RYR2: variants seen among roughly 807,000 people sequenced by gnomAD.
RYR2 encodes the protein ryanodine receptor 2.
In RYR2, 227 loss-of-function variants were observed where a neutral mutation model predicts 601.1. That is an observed-to-expected ratio of 0.38 (90% CI 0.34 to 0.42). RYR2 has a LOEUF of 0.42. Among genes scored for constraint, RYR2 ranks in the 10% least tolerant of loss-of-function variants. The pLI, the probability that RYR2 is intolerant of heterozygous loss-of-function variation, is 1.00. For missense variants in RYR2, 4,646 were observed against 6,156.5 expected, an observed-to-expected ratio of 0.75 and a Z score of 8.21; for synonymous variants, 2,223 against 2,175.1, an observed-to-expected ratio of 1.02 and a Z score of -0.61.
chr1:237,089,442 T>C (rs1034991936), intron 1 of RYR2, among the ~76,000 whole-genome samples: 4 of 152,140 alleles, frequency 2.6e-5, no homozygotes, highest in Non-Finnish European at 1.5e-5. Flanking sequence ...CTAGTACTAG[T>C]TCAGATATGT....
rs1657802211 is a variant in RYR2, at chr1:237,787,685, CA to C, written c.13329-302del. On this transcript the variant is annotated intron_variant, in intron 91 of 104. Coordinates refer to ENST00000366574, the MANE Select transcript of RYR2 (RefSeq NM_001035.3). ...CATAGCAAAATCATTCATCATTCTT[CA>C]TTTTTTTAATGTTTCATTGCAGAAT... Among the ~76,000 whole-genome samples the C allele has an allele frequency of 2.0e-5, 3 of 150,608 alleles. No individual in the cohort carries two copies. In the South Asian group the frequency reaches 6.3e-4, roughly 32 times the overall value.
intron 13 of RYR2, among the ~76,000 whole-genome samples, chr1:237,442,570 ATATCT>A (rs1314737260): frequency 6.6e-6 from 1 of 152,168 alleles, no homozygotes; most frequent in African/African-American, 2.4e-5. Context: ...TATCTCAATA[ATATCT>A]TTTCTAGTTG....
chr1:237,133,607 T>C (rs1672402819), intron 1 of RYR2, among the ~76,000 whole-genome samples: 1 of 152,140 alleles, frequency 6.6e-6, no homozygotes, highest in Admixed American at 6.5e-5. Context: ...CAATTAGACA[T>C]TCCCCCAGTT....
intron 48 of RYR2, among the ~76,000 whole-genome samples, chr1:237,644,460 C>T (rs1334924546): frequency 1.3e-5 from 2 of 151,762 alleles, no homozygotes; most frequent in African/African-American, 4.8e-5. Context: ...TCTCGACCTC[C>T]TGACCTCACG....
intron 9 of RYR2, 131 bp downstream of exon 9, chr1:237,387,511 C>G (rs967189243): frequency 1.1e-5 from 8 of 743,538 alleles, no homozygotes; most frequent in African/African-American, 7.0e-5. Context: ...AATGCAGATA[C>G]CTGACATTTG....
intron 1 of RYR2, among the ~76,000 whole-genome samples, chr1:237,248,873 A>G (rs1687172055): frequency 6.6e-6 from 1 of 150,958 alleles, no homozygotes; most frequent in Non-Finnish European, 1.5e-5. Context: ...GCAATTCTCC[A>G]ACCTCAGCCT....
intron 1 of RYR2, among the ~76,000 whole-genome samples, chr1:237,242,638 C>T (rs1230721924): frequency 1.3e-5 from 2 of 152,072 alleles, no homozygotes; most frequent in Non-Finnish European, 2.9e-5. Context: ...CGTTACTATG[C>T]ACTAAGGGCT....
chr1:237,591,923 A>G (rs1675248625), intron 32 of RYR2, 70 bp downstream of exon 32: 1 of 979,472 alleles, frequency 1.0e-6, no homozygotes. Context: ...CCAGTAATAC[A>G]TACCGATTCA....
intron 60 of RYR2, among the ~76,000 whole-genome samples, chr1:237,677,469 G>A (rs1268671396): frequency 6.6e-6 from 1 of 152,064 alleles, no homozygotes; most frequent in Non-Finnish European, 1.5e-5. Flanking sequence ...TTTTGACATA[G>A]GTCAAAATTT....
chr1:237,202,088 T>A (rs558171021), intron 1 of RYR2, among the ~76,000 whole-genome samples: 8 of 152,184 alleles, frequency 5.3e-5, no homozygotes, highest in Admixed American at 2.6e-4. Context: ...ATTCAAAAGA[T>A]GCTATTTGTT....
intron 1 of RYR2, among the ~76,000 whole-genome samples, chr1:237,186,190 TTC>T (rs1222732980): frequency 6.6e-6 from 1 of 152,176 alleles, no homozygotes; most frequent in African/African-American, 2.4e-5. Context: ...AAAAATGTTT[TTC>T]TCTCTCTCTT....
intron 1 of RYR2, among the ~76,000 whole-genome samples, chr1:237,185,300 T>G (rs922248912): frequency 6.6e-6 from 1 of 152,152 alleles, no homozygotes; most frequent in Non-Finnish European, 1.5e-5. Flanking sequence ...CCCGGCTACA[T>G]AGAGGCCCTT....
chr1:237,296,252 A>G (rs1692770106), intron 2 of RYR2, among the ~76,000 whole-genome samples: 1 of 152,192 alleles, frequency 6.6e-6, no homozygotes, highest in Non-Finnish European at 1.5e-5. Context: ...GCTGATTTTC[A>G]GGGACTTTGA....
intron 1 of RYR2, among the ~76,000 whole-genome samples, chr1:237,150,069 T>A (rs1674543272): frequency 6.6e-6 from 1 of 152,260 alleles, no homozygotes; most frequent in South Asian, 2.1e-4. Flanking sequence ...CAGTGCCAAG[T>A]ATTCTCTGTG....
At chr1:237,244,872 A>G (rs1303768998) in intron 1 of RYR2, among the ~76,000 whole-genome samples, 1 of 152,092 alleles carries the variant, frequency 6.6e-6, no homozygotes, top group Non-Finnish European at 1.5e-5. Context: ...CTTTATAGCA[A>G]AGCTCTTAAA....
chr1:237,335,522 A>G (rs1697162411), intron 3 of RYR2, among the ~76,000 whole-genome samples: 1 of 152,220 alleles, frequency 6.6e-6, no homozygotes. Context: ...CATGAGTCCA[A>G]TATATGGCTT....
At chr1:237,283,489 A>G (rs1278416785) in intron 2 of RYR2, among the ~76,000 whole-genome samples, 2 of 152,182 alleles carry the variant, frequency 1.3e-5, no homozygotes, top group East Asian at 3.9e-4. Context: ...CTTGTATCTC[A>G]GGTACATAAT....
intron 62 of RYR2, among the ~76,000 whole-genome samples, chr1:237,684,460 G>A (rs2148955181): frequency 6.6e-6 from 1 of 152,240 alleles, no homozygotes; most frequent in Admixed American, 6.5e-5. Context: ...AGCAGCTGGG[G>A]TGAGAAACAG....
chr1:237,043,532 G>T (rs187060011), intron 1 of RYR2, among the ~76,000 whole-genome samples: 4 of 152,070 alleles, frequency 2.6e-5, no homozygotes, highest in Admixed American at 6.6e-5. Flanking sequence ...CCAGGCTGAG[G>T]CATTGCACAC....
Sources: gnomAD v4.1 joint callset for allele counts (sites outside exome capture counted in the v4.1 genomes callset) on GRCh38, gnomAD v4.1.1 for gene constraint, MANE v1.5 for transcripts, NCBI Gene and HGNC (gene_info 2026-07-23, HGNC 2026-07-21) for gene names.